The following PCGF6 variants were observed in gnomAD, a reference collection of about 807,000 sequenced individuals.
The protein encoded by PCGF6 is polycomb group RING finger protein 6.
PCGF6 carries 24 observed loss-of-function variants against 45.5 expected under a neutral mutation model. That is an observed-to-expected ratio of 0.53 (90% CI 0.38 to 0.74). The LOEUF (loss-of-function observed/expected upper bound fraction) is 0.74, where lower values mean the gene tolerates loss of function less well. Among genes scored for constraint, PCGF6 ranks in the 30% least tolerant of loss-of-function variants. PCGF6 has a pLI of 0.00. For synonymous variants in PCGF6, 152 were observed against 162.1 expected (o/e 0.94, Z 0.47); for missense variants, 356 against 443.2 (o/e 0.80, Z 1.77).
At chr10:103,342,537 A>G (rs755020947) in intron 6 of PCGF6, among the ~76,000 whole-genome samples, 3 of 151,804 alleles carry the variant, frequency 2.0e-5, no homozygotes, top group Admixed American at 1.3e-4. Context: ...CCTGGCCAAG[A>G]TTTTCTTATA....
At chr10:103,325,585 A>T (rs2093215262) in intron 8 of PCGF6, among the ~76,000 whole-genome samples, 2 of 152,150 alleles carry the variant, frequency 1.3e-5, no homozygotes, top group Non-Finnish European at 2.9e-5. Flanking sequence ...AATAAATGCA[A>T]GGATGTCCTA....
chr10:103,332,579 T>C lies in PCGF6; in HGVS notation c.810+1346A>G, dbSNP rs74233813. 1.3e-3 allele frequency among the ~76,000 whole-genome samples: 199 copies of C among 152,012 alleles called. 4 individuals are homozygous for C. In the East Asian group the frequency reaches 0.037, roughly 28 times the overall value. On this transcript the variant is annotated intron_variant, in intron 7 of 9. Coordinates refer to ENST00000369847, the MANE Select transcript of PCGF6 (RefSeq NM_001011663.2). ...ATGTGAGCCAACGAACCCGGCCTAA[T>C]ATTTCAATTCATTCTCTAGTTCTTT...
intron 6 of PCGF6, among the ~76,000 whole-genome samples, chr10:103,344,040 T>A (rs2093290792): frequency 6.6e-6 from 1 of 151,890 alleles, no homozygotes; most frequent in South Asian, 2.1e-4. Flanking sequence ...GAAACAAACC[T>A]AAATATTCAA....
At chr10:103,336,953 T>C (rs1185177368) in intron 6 of PCGF6, among the ~76,000 whole-genome samples, 1 of 152,210 alleles carries the variant, frequency 6.6e-6, no homozygotes, top group African/African-American at 2.4e-5. Context: ...AGTCATAGTT[T>C]TGCCTTCTGG....
intron 3 of PCGF6, among the ~76,000 whole-genome samples, chr10:103,347,712 A>T (rs2093304640): frequency 6.6e-6 from 1 of 152,092 alleles, no homozygotes; most frequent in African/African-American, 2.4e-5. Context: ...GTGTGTGACA[A>T]GGTCTCACTT....
At chr10:103,327,889 A>G (rs1294613188) in intron 7 of PCGF6, among the ~76,000 whole-genome samples, 2 of 149,642 alleles carry the variant, frequency 1.3e-5, no homozygotes, top group East Asian at 3.9e-4. Flanking sequence ...GTTAGCCAGC[A>G]TGGTCTCAAT....
chr10:103,308,942 G>T (rs763334245), intron 9 of PCGF6, among the ~76,000 whole-genome samples: 5 of 151,988 alleles, frequency 3.3e-5, no homozygotes, highest in African/African-American at 4.8e-5. Context: ...GACTTACATG[G>T]GGACATATAG....
chr10:103,345,567 C>T (rs1471828166), intron 5 of PCGF6, among the ~76,000 whole-genome samples: 1 of 151,874 alleles, frequency 6.6e-6, no homozygotes. Context: ...ATGGCTAATG[C>T]CTGTAATTCC....
intron 8 of PCGF6, among the ~76,000 whole-genome samples, chr10:103,322,629 TG>T (rs1453524353): frequency 6.6e-6 from 1 of 152,076 alleles, no homozygotes; most frequent in Non-Finnish European, 1.5e-5. Flanking sequence ...GAGACCAGCC[TG>T]GGCAAAATGA....
In PCGF6 at chr10:103,303,763, G is replaced by C; in HGVS notation, c.*142C>G. Reference sequence around the variant, plus strand: ...ATCGTTCCAAGTTGTACTTATAAACGCTATAATTCTTGGTGCTAAAAATAG... The same window carrying C: ...ATCGTTCCAAGTTGTACTTATAAACCCTATAATTCTTGGTGCTAAAAATAG... On this transcript the variant is annotated 3_prime_UTR_variant, in exon 10 of 10. Coordinates refer to ENST00000369847, the MANE Select transcript of PCGF6 (RefSeq NM_001011663.2). 3 of 662,754 alleles carry C rather than the reference G, an allele frequency of 4.5e-6. No homozygotes were observed. Among genetic ancestry groups the C allele is most frequent in the Non-Finnish European group, 7.8e-6 (3 of 383,758 alleles). 41.1% of individuals were successfully genotyped at this position (662,754 alleles called of 1,614,324 possible).
chr10:103,340,199 ATATAT>A lies in PCGF6; in HGVS notation c.782+4820_782+4824del, dbSNP rs1479626587. Among the ~76,000 whole-genome samples the A allele has an allele frequency of 5.0e-3, 462 of 92,714 alleles. 3 individuals carry two copies. The highest frequency in any genetic ancestry group is 0.019 in the African/African-American group (381 of 20,286). The allele number at this position is 92,714 out of a possible 152,430, so 60.8% of individuals were successfully genotyped here. On this transcript the variant is annotated intron_variant, in intron 6 of 9. Transcript: ENST00000369847. ...CTCAGGGAAAAAAAAAAAAAAAAAA[ATATAT>A]ATATATATATATATATATTTTATAT...
At chr10:103,321,978 C>T (rs1465142325) in intron 8 of PCGF6, among the ~76,000 whole-genome samples, 1 of 151,576 alleles carries the variant, frequency 6.6e-6, no homozygotes, top group Non-Finnish European at 1.5e-5. Flanking sequence ...TCACTGCAAC[C>T]TCCGCTTCCT....
intron 7 of PCGF6, among the ~76,000 whole-genome samples, chr10:103,326,860 T>C (rs1187387441): frequency 6.6e-6 from 1 of 152,228 alleles, no homozygotes; most frequent in Non-Finnish European, 1.5e-5. Context: ...CAACAATTTT[T>C]CTAAATAGGC....
chr10:103,333,818 ATATT>A, intron 7 of PCGF6, 103 bp downstream of exon 7: 2 of 726,850 alleles, frequency 2.8e-6, no homozygotes, highest in Non-Finnish European at 4.4e-6. Context: ...AATGTACTTC[ATATT>A]TAAATAACTT....
At chr10:103,349,680 C>G (rs867445271) in intron 1 of PCGF6, among the ~76,000 whole-genome samples, 2 of 150,700 alleles carry the variant, frequency 1.3e-5, no homozygotes, top group African/African-American at 4.9e-5. Context: ...GGGGTTTCAC[C>G]GCTTTGGTCA....
In PCGF6 at chr10:103,347,280, G is replaced by T; in HGVS notation, c.631C>A (p.His211Asn). The T allele has an allele frequency of 1.9e-6, 3 of 1,609,496 alleles. No individual in the cohort carries two copies. Among genetic ancestry groups the T allele is most frequent in the Non-Finnish European group, 1.7e-6 (2 of 1,176,060 alleles). The change falls in exon 5 of 10, where the codon CAT becomes AAT. Residue 211 changes from histidine to asparagine, a missense_variant. Transcript: ENST00000369847. Reference protein sequence around the residue: ...NLEEREKKQMHDFYKERGLEV... With the variant: ...NLEEREKKQMNDFYKERGLEV... ...AGACCTCTTTCTTTATAGAAATCATGCATTTGCTTTTTTTCTCCTAAAAAA... is the reference window on the plus strand; with the variant it reads ...AGACCTCTTTCTTTATAGAAATCATTCATTTGCTTTTTTTCTCCTAAAAAA...
chr10:103,316,143 CTT>C (rs1436050278), intron 8 of PCGF6, among the ~76,000 whole-genome samples: 2 of 152,066 alleles, frequency 1.3e-5, no homozygotes, highest in African/African-American at 4.8e-5. Context: ...TCTGCTTCCT[CTT>C]TCTCCTTTTC....
intron 9 of PCGF6, among the ~76,000 whole-genome samples, chr10:103,312,785 A>G (rs1431212334): frequency 6.6e-6 from 1 of 152,008 alleles, no homozygotes; most frequent in Non-Finnish European, 1.5e-5. Flanking sequence ...AACACAGAGA[A>G]ACCCTGTCTC....
intron 9 of PCGF6, among the ~76,000 whole-genome samples, chr10:103,309,160 T>C (rs891534755): frequency 6.6e-6 from 1 of 150,500 alleles, no homozygotes; most frequent in Admixed American, 6.7e-5. Flanking sequence ...TGGGAAATCA[T>C]GATTGTCTTT....
Sources: gnomAD v4.1 joint callset for allele counts (sites outside exome capture counted in the v4.1 genomes callset) on GRCh38, gnomAD v4.1.1 for gene constraint, MANE v1.5 for transcripts, NCBI Gene and HGNC (gene_info 2026-07-23, HGNC 2026-07-21) for gene names.